The following NPLOC4 variants were observed in gnomAD, a reference collection of about 807,000 sequenced individuals.
NPLOC4 encodes nuclear protein localization protein 4 homolog.
A neutral mutation model predicts 80.6 loss-of-function variants in NPLOC4; 18 were observed. The ratio of observed to expected loss-of-function variants is 0.22; its 90% CI spans 0.15 to 0.33. NPLOC4 has a LOEUF of 0.33. Ranked by LOEUF, NPLOC4 falls within the 10% of genes least tolerant of loss-of-function variation. The pLI is 1.00. For synonymous variants in NPLOC4, 313 were observed against 301.5 expected, an observed-to-expected ratio of 1.04 and a Z score of -0.39; for missense variants, 540 against 786.1, an observed-to-expected ratio of 0.69 and a Z score of 3.74.
At chr17:81,621,882 A>G (rs1303978434) in intron 3 of NPLOC4, among the ~76,000 whole-genome samples, 1 of 152,220 alleles carries the variant, frequency 6.6e-6, no homozygotes, top group Non-Finnish European at 1.5e-5. Context: ...GCAGCTGAGT[A>G]TGCAGCTCAC....
rs894816716 is a variant in NPLOC4 at position 81,572,856 on chromosome 17, C to A, written c.1282-768G>T. Among the ~76,000 whole-genome samples the A allele has an allele frequency of 7.9e-5, 12 of 152,154 alleles. No individual in the cohort carries two copies. The highest frequency in any genetic ancestry group is 2.9e-4 in the African/African-American group (12 of 41,420). On this transcript the variant is annotated intron_variant, in intron 12 of 16. Transcript: ENST00000331134. This position sits in a 1 kb window ranked among gnomAD's most constrained non-coding sequence, Gnocchi z 4.5. ...TCTGAAAACCCGACTTTCCAGAAAC[C>A]GAGTACTTGGACATTAATAAAATAA...
chr17:81,598,345 T>C (rs1199925533), intron 9 of NPLOC4, among the ~76,000 whole-genome samples: 3 of 152,096 alleles, frequency 2.0e-5, no homozygotes, highest in African/African-American at 4.8e-5. Context: ...CCCAGCACCA[T>C]GCTGGGTGCA....
At chr17:81,629,625 T>G in intron 2 of NPLOC4, 100 bp downstream of exon 2, 1 of 909,714 alleles carries the variant, frequency 1.1e-6, no homozygotes. Context: ...AATTTGGGAA[T>G]AGGGAAAATA....
chr17:81,629,378 C>CG (rs1568169102), intron 2 of NPLOC4, among the ~76,000 whole-genome samples: 1 of 151,682 alleles, frequency 6.6e-6, no homozygotes, highest in Non-Finnish European at 1.5e-5. Flanking sequence ...TTTTAGTAGA[C>CG]GGGGTTTCAC....
rs972722271 is a variant in NPLOC4, at chr17:81,572,265, T to G, written c.1282-177A>C. Among the ~76,000 whole-genome samples, 9 of 152,064 alleles carry G rather than the reference T, an allele frequency of 5.9e-5. No homozygotes were observed. The highest frequency in any genetic ancestry group is 1.2e-4 in the Non-Finnish European group (8 of 68,030). ...ATGCAGTGGCGTGATCTCCACTCAC[T>G]GCAAGCTCCGCCTCCCAGGTTCACA... On this transcript the variant is annotated intron_variant, in intron 12 of 16. Coordinates refer to ENST00000331134, the MANE Select transcript of NPLOC4 (RefSeq NM_017921.4). This position sits in a 1 kb window ranked among gnomAD's most constrained non-coding sequence, Gnocchi z 4.5.
Position 81,577,440 on chromosome 17 carries a change from G to A in NPLOC4, c.1282-5352C>T, listed in dbSNP as rs1314416133. ...ACCACAGCTTGGCTCATCTACTTCC[G>A]GGTTAGCTCAACGCCCTCTTCTTTT... On this transcript the variant is annotated intron_variant, in intron 12 of 16. Transcript: ENST00000331134. The surrounding 1 kb of genome is among the most constrained non-coding windows in gnomAD (Gnocchi z 4.3). 6.6e-6 allele frequency among the ~76,000 whole-genome samples: 1 copy of A among 151,968 alleles called. No homozygotes were observed. The highest frequency in any genetic ancestry group is 6.6e-5 in the Admixed American group (1 of 15,256).
intron 2 of NPLOC4, among the ~76,000 whole-genome samples, chr17:81,625,613 C>G (rs1481685138): frequency 6.6e-6 from 1 of 152,110 alleles, no homozygotes; most frequent in African/African-American, 2.4e-5. Context: ...AGCTTGTGGT[C>G]CCAGCAACTC....
At chr17:81,610,723 C>T (rs1328340821) in intron 4 of NPLOC4, among the ~76,000 whole-genome samples, 23 of 34,994 alleles carry the variant, frequency 6.6e-4, no homozygotes, top group Non-Finnish European at 1.3e-3. Flanking sequence ...GAGGCCGAGG[C>T]GGGTGGATCA....
intron 8 of NPLOC4, 82 bp from the exon 9 acceptor site, chr17:81,600,509 T>G: frequency 1.2e-5 from 13 of 1,093,762 alleles, no homozygotes; most frequent in African/African-American, 1.5e-5. Context: ...CTTCCAGCTC[T>G]AGGTCACAAG....
chr17:81,560,260 A>G (rs2033808580), intron 16 of NPLOC4, among the ~76,000 whole-genome samples: 1 of 151,704 alleles, frequency 6.6e-6, no homozygotes, highest in Non-Finnish European at 1.5e-5. Flanking sequence ...TCTACTAAAA[A>G]TAATTAGCCA....
intron 12 of NPLOC4, chr17:81,588,098 G>A (rs2034637802): frequency 6.6e-6 from 1 of 152,244 alleles, no homozygotes; most frequent in South Asian, 2.1e-4. Context: ...TATGCTGGAT[G>A]AGATTAACTG....
At chr17:81,620,818 G>C (rs925096451) in intron 3 of NPLOC4, among the ~76,000 whole-genome samples, 1 of 152,062 alleles carries the variant, frequency 6.6e-6, no homozygotes, top group Non-Finnish European at 1.5e-5. Context: ...TTTACCTTTA[G>C]ATAATGGTTA....
chr17:81,580,638 CCT>C lies in NPLOC4; in HGVS notation c.1281+8304_1281+8305del, dbSNP rs1232927527. On this transcript the variant is annotated intron_variant, in intron 12 of 16. Coordinates refer to ENST00000331134, the MANE Select transcript of NPLOC4 (RefSeq NM_017921.4). This position sits in a 1 kb window ranked among gnomAD's most constrained non-coding sequence, Gnocchi z 4.4. ...CTCTGCCAATTGACACCTTCTCTCCCCTCTCAGGACTCGACCCACCAGGGCAC... is the reference window on the plus strand; with the variant it reads ...CTCTGCCAATTGACACCTTCTCTCCCCTCAGGACTCGACCCACCAGGGCAC... 6.6e-6 allele frequency among the ~76,000 whole-genome samples: 1 copy of C among 152,172 alleles called. No individual in the cohort carries two copies. The highest frequency in any genetic ancestry group is 2.1e-4 in the South Asian group (1 of 4,834).
At position 81,557,209 on chromosome 17, in the gene NPLOC4, G is replaced by A. The variant is rs568303155; in HGVS notation, c.*2050C>T. The stretch of plus-strand genomic sequence containing the variant: ...CTGAGACCTCCTTCCCACAAGAGGA[G>A]GTGGCTGAGCCTCCCAGGGCCTGAA... On this transcript the variant is annotated 3_prime_UTR_variant, in exon 17 of 17. Transcript: ENST00000331134. 1 of 152,508 alleles carries A rather than the reference G, an allele frequency of 6.6e-6. No individual in the cohort carries two copies. Among genetic ancestry groups the A allele is most frequent in the South Asian group, 2.1e-4 (1 of 4,830 alleles). The allele number at this position is 152,508 out of a possible 1,614,324, so 9.4% of individuals were successfully genotyped here.
At chr17:81,576,669 G>A (rs934297753) in intron 12 of NPLOC4, among the ~76,000 whole-genome samples, 1 of 152,018 alleles carries the variant, frequency 6.6e-6, no homozygotes, top group African/African-American at 2.4e-5. Flanking sequence ...TGCAACACAC[G>A]ACAAAGGGTT....
At chr17:81,564,118 A>ACACACACACACACACACACACACACAC (rs1568114631) in intron 16 of NPLOC4, 2 of 323,126 alleles carry the variant, frequency 6.2e-6, no homozygotes, top group African/African-American at 4.5e-5. Context: ...ACACACACAC[A>ACACACACACACACACACACACACACAC]AAGAGCAGGG....
intron 16 of NPLOC4, 72 bp from the exon 17 acceptor site, chr17:81,559,488 G>A: frequency 2.0e-6 from 3 of 1,479,730 alleles, no homozygotes; most frequent in Non-Finnish European, 2.7e-6. Context: ...TGGGCATGGG[G>A]GCAGGGGCAG....
intron 16 of NPLOC4, chr17:81,562,946 A>G (rs528183742): frequency 6.9e-6 from 1 of 144,268 alleles, no homozygotes; most frequent in South Asian, 2.1e-4. Flanking sequence ...TCAAAAAAAA[A>G]AGGAGGGGGG....
At chr17:81,571,848 C>T (rs888864887) in intron 13 of NPLOC4, among the ~76,000 whole-genome samples, 169 bp downstream of exon 13, 1 of 152,140 alleles carries the variant, frequency 6.6e-6, no homozygotes, top group Non-Finnish European at 1.5e-5. Context: ...ACCGCATGCT[C>T]AGTGATTCTA....
Sources: allele counts gnomAD v4.1 joint callset (sites outside exome capture counted in the v4.1 genomes callset), GRCh38; gene constraint gnomAD v4.1.1; non-coding constraint Gnocchi (gnomAD v3.1); transcripts MANE v1.5; gene names NCBI Gene and HGNC (gene_info 2026-07-23, HGNC 2026-07-21).